The following LSAMP variants were observed in gnomAD, a reference collection of about 807,000 sequenced individuals.
The protein encoded by LSAMP is limbic system-associated membrane protein.
Under a neutral mutation model 38.6 loss-of-function variants are expected in LSAMP, and 7 were observed. The ratio of observed to expected loss-of-function variants is 0.18; its 90% CI spans 0.10 to 0.34. LSAMP has a LOEUF of 0.34. Ranked by LOEUF, LSAMP falls within the 10% of genes least tolerant of loss-of-function variation. The probability of loss-of-function intolerance (pLI) is 1.00; values close to 1 mark genes in which losing one functional copy is unlikely to be tolerated. For synonymous variants in LSAMP, 154 were observed against 166.8 expected (o/e 0.92, Z 0.59); for missense variants, 313 against 420.0 (o/e 0.75, Z 2.23).
At chr3:116,375,539 T>A (rs2107796005) in intron 1 of LSAMP, among the ~76,000 whole-genome samples, 1 of 152,028 alleles carries the variant, frequency 6.6e-6, no homozygotes, top group East Asian at 1.9e-4. Context: ...TTTATATGCT[T>A]GAGTTTGGTT....
intron 1 of LSAMP, among the ~76,000 whole-genome samples, chr3:116,219,013 C>T (rs1000047041): frequency 1.1e-4 from 17 of 152,152 alleles, no homozygotes; most frequent in African/African-American, 3.6e-4. Context: ...TACATTATTG[C>T]TTACTATAAG....
intron 1 of LSAMP, among the ~76,000 whole-genome samples, chr3:116,230,152 C>T (rs2046387649): frequency 6.6e-6 from 1 of 152,050 alleles, no homozygotes; most frequent in Non-Finnish European, 1.5e-5. Flanking sequence ...CCAAAGAATA[C>T]ACACAAGTTG....
At chr3:116,389,425 C>A (rs188976278) in intron 1 of LSAMP, among the ~76,000 whole-genome samples, 1 of 152,248 alleles carries the variant, frequency 6.6e-6, no homozygotes, top group East Asian at 1.9e-4. Flanking sequence ...GTATTGCAAT[C>A]ATTTTTATAT....
intron 1 of LSAMP, among the ~76,000 whole-genome samples, chr3:116,314,353 TGCTTAGA>T (rs2047600771): frequency 6.6e-6 from 1 of 152,210 alleles, no homozygotes; most frequent in Non-Finnish European, 1.5e-5. Context: ...CTTAGGACAA[TGCTTAGA>T]AACATGGCAA....
chr3:116,115,644 T>C (rs561844237), intron 1 of LSAMP, among the ~76,000 whole-genome samples: 1 of 152,252 alleles, frequency 6.6e-6, no homozygotes, highest in South Asian at 2.1e-4. Context: ...ATTTTGTATC[T>C]ATCAATTAAA....
intron 1 of LSAMP, among the ~76,000 whole-genome samples, chr3:116,104,595 T>C (rs189172139): frequency 4.7e-4 from 71 of 152,312 alleles, no homozygotes; most frequent in Admixed American, 7.8e-4. Flanking sequence ...TCATCCATTT[T>C]AAAACAACAT....
At chr3:116,015,356 A>G (rs1158197510) in intron 3 of LSAMP, among the ~76,000 whole-genome samples, 1 of 152,156 alleles carries the variant, frequency 6.6e-6, no homozygotes, top group Non-Finnish European at 1.5e-5. Flanking sequence ...ATGTGAGAAG[A>G]AAGACTTAGA....
At chr3:116,277,705 T>C (rs572116837) in intron 1 of LSAMP, among the ~76,000 whole-genome samples, 1 of 152,118 alleles carries the variant, frequency 6.6e-6, no homozygotes, top group Admixed American at 6.5e-5. Flanking sequence ...GTTTAAAGAG[T>C]GTAACCACAA....
intron 1 of LSAMP, among the ~76,000 whole-genome samples, chr3:116,263,791 T>C (rs28641165): frequency 0.033 from 4,950 of 152,276 alleles, 267 homozygotes; most frequent in African/African-American, 0.11. Context: ...TTAATCTTCA[T>C]AGAAAAATGT....
At chr3:116,334,471 A>G (rs1461775336) in intron 1 of LSAMP, among the ~76,000 whole-genome samples, 1 of 152,122 alleles carries the variant, frequency 6.6e-6, no homozygotes, top group Non-Finnish European at 1.5e-5. Context: ...TCCCTTATGA[A>G]CATTGATGCA....
intron 1 of LSAMP, among the ~76,000 whole-genome samples, chr3:116,127,200 T>C (rs1251782838): frequency 6.6e-6 from 1 of 152,230 alleles, no homozygotes; most frequent in East Asian, 1.9e-4. Flanking sequence ...ATTTACCATA[T>C]GAAGTTTTAA....
At chr3:115,999,507 C>A (rs1939926095) in intron 3 of LSAMP, among the ~76,000 whole-genome samples, 1 of 152,062 alleles carries the variant, frequency 6.6e-6, no homozygotes, top group Non-Finnish European at 1.5e-5. Context: ...AATTAAAGAG[C>A]CTGGTTTGAA....
intron 3 of LSAMP, among the ~76,000 whole-genome samples, chr3:115,871,740 T>C (rs1443867699): frequency 6.6e-6 from 1 of 152,036 alleles, no homozygotes; most frequent in African/African-American, 2.4e-5. Flanking sequence ...CTTGGTTACT[T>C]TTGAAGCTTT....
chr3:116,020,291 C>T (rs1940602420), intron 2 of LSAMP, among the ~76,000 whole-genome samples: 1 of 152,180 alleles, frequency 6.6e-6, no homozygotes, highest in South Asian at 2.1e-4. Flanking sequence ...ACTTCTAGTA[C>T]TTCCAACACC....
At chr3:116,399,449 G>A (rs768946802) in intron 1 of LSAMP, among the ~76,000 whole-genome samples, 1 of 152,134 alleles carries the variant, frequency 6.6e-6, no homozygotes, top group African/African-American at 2.4e-5. Context: ...TTAAGGAAGA[G>A]AGATGTTAAG....
At chr3:116,441,109 T>C (rs1330167837) in intron 1 of LSAMP, among the ~76,000 whole-genome samples, 1 of 152,212 alleles carries the variant, frequency 6.6e-6, no homozygotes, top group Non-Finnish European at 1.5e-5. Context: ...AACTAAACAT[T>C]AGCTATTCTT....
At chr3:116,009,717 A>G (rs934845127) in intron 3 of LSAMP, among the ~76,000 whole-genome samples, 1 of 152,110 alleles carries the variant, frequency 6.6e-6, no homozygotes, top group Non-Finnish European at 1.5e-5. Context: ...CAGCTCTTGT[A>G]ACGGGGGCTC....
intron 1 of LSAMP, among the ~76,000 whole-genome samples, chr3:116,211,869 A>T (rs1221635506): frequency 6.6e-6 from 1 of 152,226 alleles, no homozygotes; most frequent in African/African-American, 2.4e-5. Context: ...TTAGATAAAA[A>T]CAAAACATGA....
At chr3:115,841,818 A>G (rs374212702) in intron 6 of LSAMP, 27 bp downstream of exon 6, 881 of 1,576,136 alleles carry the variant, frequency 5.6e-4, no homozygotes, top group Non-Finnish European at 7.1e-4. Flanking sequence ...AATTCCATCA[A>G]GTTGGGCCCT....
Sources: gnomAD v4.1 joint callset for allele counts (sites outside exome capture counted in the v4.1 genomes callset) on GRCh38, gnomAD v4.1.1 for gene constraint, MANE v1.5 for transcripts, NCBI Gene and HGNC (gene_info 2026-07-23, HGNC 2026-07-21) for gene names.